IST1: variants seen among roughly 807,000 people sequenced by gnomAD.
The protein encoded by IST1 is IST1 factor associated with ESCRT-III, also known as IST1 homolog.
IST1 carries 23 observed loss-of-function variants against 37.0 expected under a neutral mutation model. That is an observed-to-expected ratio of 0.62 (90% confidence interval 0.45 to 0.88). IST1 has a LOEUF of 0.88. Among genes scored for constraint, IST1 ranks in the 40% least tolerant of loss-of-function variants. The pLI is 0.00. For missense variants in IST1, 488 were observed against 445.4 expected, an observed-to-expected ratio of 1.10 and a Z score of -0.86; for synonymous variants, 180 against 161.7, an observed-to-expected ratio of 1.11 and a Z score of -0.86.
rs774245482 is a variant in IST1 at position 71,916,398 on chromosome 16, T to C, written c.89-64T>C. The C allele has an allele frequency of 3.7e-4, 554 of 1,510,814 alleles. 4 individuals are homozygous for C. Among genetic ancestry groups the C allele is most frequent in the Middle Eastern group, 2.4e-4 (1 of 4,134 alleles). The allele number at this position is 1,510,814 out of a possible 1,614,324, so 93.6% of individuals were successfully genotyped here. ...CCCAGTTCTTCCTGTTGGGGGGAGA[T>C]TGGCCTGTAGGCCAGATGCAAGTGC... On this transcript the variant is annotated intron_variant, in intron 2 of 9. Coordinates refer to ENST00000378799, the MANE Select transcript of IST1 (RefSeq NM_001270975.2).
chr16:71,929,861 A>G lies in IST1; in HGVS notation c.*2048A>G, dbSNP rs908731571. The G allele has an allele frequency of 2.0e-5, 19 of 959,422 alleles. No homozygotes were observed. The highest frequency in any genetic ancestry group is 3.0e-5 in the Admixed American group (1 of 33,764). The allele number at this position is 959,422 out of a possible 1,614,324, so 59.4% of individuals were successfully genotyped here. On this transcript the variant is annotated 3_prime_UTR_variant, in exon 10 of 10. Transcript: ENST00000378799. ...TTGCGAGCCAACTATTTATAGGACA[A>G]TGGCTATAGAATATTATGTAGTCTT...
At chr16:71,905,733 T>A (rs1164983245) in intron 1 of IST1, among the ~76,000 whole-genome samples, 2 of 152,202 alleles carry the variant, frequency 1.3e-5, no homozygotes, top group Non-Finnish European at 2.9e-5. Context: ...TCTCATGGAG[T>A]ATGAAAACCT....
At chr16:71,911,293 C>T (rs1240791058) in intron 1 of IST1, among the ~76,000 whole-genome samples, 4 of 151,752 alleles carry the variant, frequency 2.6e-5, no homozygotes, top group Non-Finnish European at 2.9e-5. Flanking sequence ...TTCATTTGTT[C>T]GGCAGTTATT....
At chr16:71,922,753 C>G (rs1221925181) in intron 7 of IST1, 73 bp downstream of exon 7, 19 of 1,256,444 alleles carry the variant, frequency 1.5e-5, no homozygotes, top group Non-Finnish European at 2.0e-5. Context: ...TGAACACACT[C>G]AGGAATCATA....
chr16:71,918,670 C>T (rs986317983), intron 4 of IST1, among the ~76,000 whole-genome samples: 1 of 152,160 alleles, frequency 6.6e-6, no homozygotes, highest in Non-Finnish European at 1.5e-5. Flanking sequence ...CCTGCCTCGG[C>T]CTCCCAAAGT....
intron 1 of IST1, among the ~76,000 whole-genome samples, chr16:71,899,983 C>G (rs2037066188): frequency 8.3e-6 from 1 of 121,076 alleles, no homozygotes. Context: ...GGCGACAGAA[C>G]AAGACTCTGT....
chr16:71,925,986 C>CT (rs2037732922), intron 9 of IST1, among the ~76,000 whole-genome samples: 1 of 151,678 alleles, frequency 6.6e-6, no homozygotes, highest in Admixed American at 6.6e-5. Flanking sequence ...GGGAAGAATA[C>CT]TTTTAAAATT....
intron 1 of IST1, among the ~76,000 whole-genome samples, chr16:71,906,464 C>G (rs548813837): frequency 1.3e-5 from 2 of 151,736 alleles, no homozygotes; most frequent in Non-Finnish European, 2.9e-5. Flanking sequence ...CCCGCCACCA[C>G]GCCCAGCTAA....
Position 71,923,360 on chromosome 16 carries a change from A to C in IST1, c.832A>C (p.Thr278Pro), listed in dbSNP as rs746051047. ...TATTCATCCACCTCAGATACCAGCA[A>C]CTCCCCCATCGTATGAATCTGTAAG... ...PNIHPPQIPA[T>P]PPSYESVDDI... Residue 278 changes from threonine to proline, a missense_variant, in exon 8 of 10, where the codon ACT becomes CCT. By Grantham distance (38) the Thr-to-Pro change is conservative. Coordinates refer to ENST00000378799, the MANE Select transcript of IST1 (RefSeq NM_001270975.2). The C allele has an allele frequency of 3.7e-6, 6 of 1,608,042 alleles. No homozygotes were observed. The Admixed American group carries it at 1.0e-4, about 27-fold the overall frequency.
chr16:71,896,961 C>T (rs1012545896), intron 1 of IST1, among the ~76,000 whole-genome samples: 4 of 129,710 alleles, frequency 3.1e-5, no homozygotes, highest in African/African-American at 1.2e-4. Context: ...AGAGTGAGAC[C>T]CTGTGTAAAA....
intron 1 of IST1, among the ~76,000 whole-genome samples, chr16:71,914,801 T>A (rs986451254): frequency 1.3e-5 from 2 of 152,240 alleles, no homozygotes; most frequent in African/African-American, 4.8e-5. Context: ...TATCTTTTGT[T>A]TGGATATTAC....
At chr16:71,907,314 G>C (rs759470309) in intron 1 of IST1, among the ~76,000 whole-genome samples, 2 of 137,990 alleles carry the variant, frequency 1.4e-5, no homozygotes, top group Non-Finnish European at 3.0e-5. Flanking sequence ...CTCTCTCTCT[G>C]TCGCCCATGC....
At chr16:71,916,346 G>A in intron 2 of IST1, 116 bp from the exon 3 acceptor site, 1 of 945,352 alleles carries the variant, frequency 1.1e-6, no homozygotes, top group South Asian at 1.6e-5. Flanking sequence ...TTTGCTAAAG[G>A]AGAGGAGCTA....
chr16:71,902,044 G>C (rs914912434), intron 1 of IST1, among the ~76,000 whole-genome samples: 3 of 152,172 alleles, frequency 2.0e-5, no homozygotes, highest in Non-Finnish European at 4.4e-5. Flanking sequence ...TAAAATATGG[G>C]TCCATTGACT....
rs753532455 is a variant in IST1, at chr16:71,927,652, T to A, written c.940T>A (p.Ser314Thr). 9.9e-6 allele frequency: 16 copies of A among 1,613,972 alleles called. No homozygotes were observed. In the South Asian group the frequency reaches 1.6e-4, roughly 17 times the overall value. ...PKPEASAKLP[S>T]RPADNYDNFV... Reference sequence around the variant, plus strand: ...GCCAGAAGCCTCTGCAAAGCTTCCTTCCAGACCTGCAGATAACTATGACAA... The same window carrying A: ...GCCAGAAGCCTCTGCAAAGCTTCCTACCAGACCTGCAGATAACTATGACAA... Residue 314 changes from serine (S) to threonine (T), a missense_variant, in exon 10 of 10, where the codon TCC (serine) becomes ACC (threonine). By Grantham distance (58) the Ser-to-Thr change is moderately conservative (BLOSUM62 1). Around this residue, in one of 2 missense-constraint regions of IST1, gnomAD observed 455 missense variants for 386.2 expected, o/e 1.18. Coordinates refer to ENST00000378799, the MANE Select transcript of IST1 (RefSeq NM_001270975.2).
chr16:71,919,908 T>C (rs2037542660), intron 4 of IST1, among the ~76,000 whole-genome samples: 1 of 152,186 alleles, frequency 6.6e-6, no homozygotes, highest in Non-Finnish European at 1.5e-5. Context: ...CACTCAAATA[T>C]AAATTTATTT....
At chr16:71,897,793 A>G (rs2037008731) in intron 1 of IST1, among the ~76,000 whole-genome samples, 2 of 151,936 alleles carry the variant, frequency 1.3e-5, no homozygotes, top group Admixed American at 6.6e-5. Flanking sequence ...TAAAAATACA[A>G]AAATTAGCCA....
intron 7 of IST1, 59 bp downstream of exon 7, chr16:71,922,739 T>A (rs1436710155): frequency 5.1e-6 from 7 of 1,381,702 alleles, no homozygotes. Context: ...ACAAGTTGGC[T>A]CTGTGAACAC....
intron 1 of IST1, among the ~76,000 whole-genome samples, chr16:71,901,958 T>C (rs2037118659): frequency 6.6e-6 from 1 of 152,204 alleles, no homozygotes; most frequent in Non-Finnish European, 1.5e-5. Flanking sequence ...ATATAAAGCA[T>C]GCCTTAAACA....
Sources: allele counts gnomAD v4.1 joint callset (sites outside exome capture counted in the v4.1 genomes callset), GRCh38; gene constraint gnomAD v4.1.1; regional missense constraint gnomAD v4.1.1; transcripts MANE v1.5; gene names NCBI Gene and HGNC (gene_info 2026-07-23, HGNC 2026-07-21).